The following EIF3H variants were observed in gnomAD, a reference collection of about 807,000 sequenced individuals.
The protein encoded by EIF3H is eIF-3-gamma.
A neutral mutation model predicts 44.2 loss-of-function variants in EIF3H; 26 were observed. The ratio of observed to expected loss-of-function variants is 0.59; its 90% CI spans 0.43 to 0.82. EIF3H has a LOEUF of 0.82. Among genes scored for constraint, EIF3H ranks in the 40% least tolerant of loss-of-function variants. EIF3H has a pLI of 0.00. For missense variants in EIF3H, 359 were observed against 432.8 expected (o/e 0.83, Z 1.51); for synonymous variants, 166 against 151.9 (o/e 1.09, Z -0.68).
chr8:116,710,475 A>G (rs62510182), intron 2 of EIF3H, among the ~76,000 whole-genome samples: 2 of 151,994 alleles, frequency 1.3e-5, no homozygotes, highest in Admixed American at 1.3e-4. Flanking sequence ...ACATTCAACC[A>G]CCGCTAATTT....
intron 2 of EIF3H, among the ~76,000 whole-genome samples, chr8:116,679,370 G>C (rs1239654898): frequency 1.3e-5 from 1 of 74,816 alleles, no homozygotes; most frequent in East Asian, 3.1e-4. Context: ...CGCCCGGTCA[G>C]CCCCCCGCCC....
chr8:116,722,825 TC>T (rs1402407190), intron 2 of EIF3H, among the ~76,000 whole-genome samples: 1 of 152,236 alleles, frequency 6.6e-6, no homozygotes, highest in African/African-American at 2.4e-5. Flanking sequence ...TTCTCAGTTT[TC>T]CAATCTGTAA....
chr8:116,755,650 A>G lies in EIF3H; in HGVS notation c.132+16T>C, dbSNP rs1316670629. 30 of 1,613,774 alleles carry G rather than the reference A, an allele frequency of 1.9e-5. No homozygotes were observed. Among genetic ancestry groups the G allele is most frequent in the Non-Finnish European group, 2.5e-5 (30 of 1,179,910 alleles). Reference sequence around the variant, plus strand: ...GCGCTCCCCACGTGGGCCAGAGGAAAAAGAACAGCACTCACAAGGCCATCT... The same window carrying G: ...GCGCTCCCCACGTGGGCCAGAGGAAGAAGAACAGCACTCACAAGGCCATCT... On this transcript the variant is annotated intron_variant, in intron 1 of 7. Coordinates refer to ENST00000521861, the MANE Select transcript of EIF3H (RefSeq NM_003756.3).
chr8:116,670,992 A>T (rs1813743844), intron 2 of EIF3H, among the ~76,000 whole-genome samples: 1 of 152,236 alleles, frequency 6.6e-6, no homozygotes, highest in Admixed American at 6.5e-5. Context: ...CGGCAAAAAC[A>T]TTACTACAGA....
At chr8:116,730,151 GAA>G (rs2130934305) in intron 1 of EIF3H, among the ~76,000 whole-genome samples, 1 of 152,270 alleles carries the variant, frequency 6.6e-6, no homozygotes, top group South Asian at 2.1e-4. Context: ...TAATGTCATG[GAA>G]ATGCCTTACA....
At chr8:116,735,550 G>C (rs1815020224) in intron 1 of EIF3H, among the ~76,000 whole-genome samples, 1 of 152,174 alleles carries the variant, frequency 6.6e-6, no homozygotes, top group Admixed American at 6.5e-5. Flanking sequence ...CACAGGTTGA[G>C]TATCCCTTAT....
intron 2 of EIF3H, among the ~76,000 whole-genome samples, chr8:116,693,183 T>C (rs1193803205): frequency 6.6e-6 from 1 of 152,218 alleles, no homozygotes; most frequent in Middle Eastern, 3.2e-3. Flanking sequence ...AATTCAGTTA[T>C]GTTAAATAAT....
At chr8:116,677,339 A>C (rs1813867075) in intron 2 of EIF3H, among the ~76,000 whole-genome samples, 1 of 152,228 alleles carries the variant, frequency 6.6e-6, no homozygotes, top group Non-Finnish European at 1.5e-5. Context: ...TAAAACATGT[A>C]ATTTTCACCT....
chr8:116,661,839 G>C (rs1013245659), intron 2 of EIF3H, among the ~76,000 whole-genome samples: 1 of 152,114 alleles, frequency 6.6e-6, no homozygotes, highest in Non-Finnish European at 1.5e-5. Flanking sequence ...TCTGATAAGG[G>C]TAAGAATGAA....
intron 5 of EIF3H, among the ~76,000 whole-genome samples, chr8:116,649,194 A>G (rs1813351426): frequency 6.6e-6 from 1 of 152,216 alleles, no homozygotes; most frequent in African/African-American, 2.4e-5. Context: ...AGGAACTGTT[A>G]AACATACCTA....
At position 116,748,394 on chromosome 8, in the gene EIF3H, G is replaced by C. The variant is rs191904227; in HGVS notation, c.132+7272C>G. On this transcript the variant is annotated intron_variant, in intron 1 of 7. Coordinates refer to ENST00000521861, the MANE Select transcript of EIF3H (RefSeq NM_003756.3). ...TAATAGGTGTCCAATTAATATTAGT[G>C]ATTTTTCAAACAGATAAGAAATCAA... 1.1e-4 allele frequency among the ~76,000 whole-genome samples: 16 copies of C among 152,224 alleles called. No homozygotes were observed. The East Asian group carries it at 3.1e-3, about 29-fold the overall frequency.
At chr8:116,705,275 T>A (rs1311518476) in intron 2 of EIF3H, among the ~76,000 whole-genome samples, 1 of 152,212 alleles carries the variant, frequency 6.6e-6, no homozygotes, top group Non-Finnish European at 1.5e-5. Context: ...TATGAAAATA[T>A]TAGCAAGAAT....
chr8:116,650,297 C>G (rs942788397), intron 5 of EIF3H, among the ~76,000 whole-genome samples: 2 of 152,148 alleles, frequency 1.3e-5, no homozygotes, highest in Non-Finnish European at 2.9e-5. Flanking sequence ...TAAAGTGATA[C>G]AGCTGCTGTG....
chr8:116,657,488 T>C, intron 3 of EIF3H, 174 bp from the exon 4 acceptor site: 1 of 597,102 alleles, frequency 1.7e-6, no homozygotes, highest in Non-Finnish European at 3.0e-6. Context: ...CAAATAGCAC[T>C]TGAAAATGCA....
intron 2 of EIF3H, among the ~76,000 whole-genome samples, chr8:116,674,011 A>C (rs568645991): frequency 7.8e-5 from 10 of 127,852 alleles, no homozygotes; most frequent in African/African-American, 3.0e-4. Context: ...CGGAGCTTGC[A>C]GTGAGCCGAG....
chr8:116,735,482 A>G (rs545508886), intron 1 of EIF3H, among the ~76,000 whole-genome samples: 6 of 152,342 alleles, frequency 3.9e-5, no homozygotes, highest in South Asian at 2.1e-4. Flanking sequence ...AGCATTATTC[A>G]TAACAGCTAA....
chr8:116,755,706 G>A lies in EIF3H; in HGVS notation c.92C>T (p.Ser31Leu), dbSNP rs1006155311. ...AAGKGKGKGG[S>L]GDSAVKQVQI... ...CACTTGCTTCACGGCTGAATCTCCC[G>A]AGCCGCCTTTGCCTTTGCCTTTCCC... is the stretch of plus-strand genomic sequence containing the variant. Residue 31 changes from serine to leucine, a missense_variant, in exon 1 of 8, where the codon TCG becomes TTG. Ser to Leu is a moderately radical substitution (Grantham distance 145). This residue lies in a region of EIF3H where 91 missense variants were observed against 164.6 expected (regional missense o/e 0.55). Transcript: ENST00000521861. 6 of 1,614,108 alleles carry A rather than the reference G, an allele frequency of 3.7e-6. No homozygotes were observed. Among genetic ancestry groups the A allele is most frequent in the South Asian group, 1.1e-5 (1 of 91,078 alleles).
At chr8:116,691,066 C>T (rs1814165251) in intron 2 of EIF3H, among the ~76,000 whole-genome samples, 1 of 152,192 alleles carries the variant, frequency 6.6e-6, no homozygotes, top group African/African-American at 2.4e-5. Context: ...ATCAAAGGGG[C>T]ATTTTATAAC....
At chr8:116,721,142 GC>G (rs893444286) in intron 2 of EIF3H, among the ~76,000 whole-genome samples, 1 of 152,106 alleles carries the variant, frequency 6.6e-6, no homozygotes, top group African/African-American at 2.4e-5. Context: ...GGTTTTGTGG[GC>G]CCTTCTGCTG....
Sources: allele counts gnomAD v4.1 joint callset (sites outside exome capture counted in the v4.1 genomes callset), GRCh38; gene constraint gnomAD v4.1.1; regional missense constraint gnomAD v4.1.1; transcripts MANE v1.5; gene names NCBI Gene and HGNC (gene_info 2026-07-23, HGNC 2026-07-21).